The following ZNF778 variants were observed in gnomAD, a reference collection of about 807,000 sequenced individuals.
ZNF778 encodes the protein zinc finger protein 778.
ZNF778 carries 37 observed loss-of-function variants against 23.9 expected under a neutral mutation model. The observed-to-expected ratio is 1.54, with a 90% CI of 1.19 to 2.03. ZNF778 has a LOEUF of 2.03. Among genes scored for constraint, ZNF778 ranks in the 30% most tolerant of loss-of-function variants. The pLI, the probability that ZNF778 is intolerant of heterozygous loss-of-function variation, is 0.00. For missense variants in ZNF778, 1,297 were observed against 934.4 expected, an observed-to-expected ratio of 1.39 and a Z score of -5.06; for synonymous variants, 483 against 343.9, an observed-to-expected ratio of 1.40 and a Z score of -4.48.
intron 1 of ZNF778, among the ~76,000 whole-genome samples, chr16:89,220,622 C>T (rs1459830775): frequency 6.6e-6 from 1 of 152,206 alleles, no homozygotes; most frequent in East Asian, 1.9e-4. Context: ...TGCGCCACTA[C>T]ACTCCAGCCT....
chr16:89,232,577 A>G lies in ZNF778; in HGVS notation c.*4015A>G. 12 of 1,165,624 alleles carry G rather than the reference A, an allele frequency of 1.0e-5. 2 individuals carry two copies. In the South Asian group the frequency reaches 1.8e-4, roughly 17 times the overall value. The allele number at this position is 1,165,624 out of a possible 1,614,324, so 72.2% of individuals were successfully genotyped here. A position where few individuals can be genotyped will look rare whatever the true frequency, so the allele number is the denominator to read the frequency against. Reference sequence around the variant, plus strand: ...TATGCCCTCCTGTGTGAAAATCTCCACTCCCAATGTCTGAGGGTTCCTCAG... The same window carrying G: ...TATGCCCTCCTGTGTGAAAATCTCCGCTCCCAATGTCTGAGGGTTCCTCAG... On this transcript the variant is annotated 3_prime_UTR_variant, in exon 7 of 7. Transcript: ENST00000433976.
At chr16:89,223,700 T>A (rs1404916623) in intron 4 of ZNF778, among the ~76,000 whole-genome samples, 1 of 152,238 alleles carries the variant, frequency 6.6e-6, no homozygotes. Context: ...ACGTGTATAT[T>A]TAAGCCTGAA....
At chr16:89,222,284 A>T in intron 3 of ZNF778, 101 bp downstream of exon 3, 1 of 830,806 alleles carries the variant, frequency 1.2e-6, no homozygotes, top group Non-Finnish European at 1.8e-6. Context: ...TCACTCAAGG[A>T]CCGAGTCCCT....
At chr16:89,219,382 A>C (rs2030694802) in intron 1 of ZNF778, among the ~76,000 whole-genome samples, 2 of 152,168 alleles carry the variant, frequency 1.3e-5, no homozygotes, top group South Asian at 4.1e-4. Flanking sequence ...TTGAATTCAG[A>C]GGAGAGGTTG....
chr16:89,223,059 C>A, intron 3 of ZNF778, 98 bp from the exon 4 acceptor site: 1 of 1,416,908 alleles, frequency 7.1e-7, no homozygotes, highest in Non-Finnish European at 9.5e-7. Context: ...CAGTAGGAGG[C>A]CTCACAGTCC....
At chr16:89,221,277 G>C (rs537565209) in intron 2 of ZNF778, 125 bp downstream of exon 2, 2 of 1,144,966 alleles carry the variant, frequency 1.7e-6, no homozygotes, top group East Asian at 2.6e-5. Flanking sequence ...CTGCTGGAGT[G>C]AGCCAGAGAA....
chr16:89,223,873 CAA>C (rs58788873), intron 4 of ZNF778, among the ~76,000 whole-genome samples: 2,948 of 150,426 alleles, frequency 0.02, 119 homozygotes, highest in East Asian at 0.16. Context: ...GACTCCATCT[CAA>C]AAAAAAAACA....
At position 89,224,324 on chromosome 16, in the gene ZNF778, G is replaced by A. The variant is rs4785622; in HGVS notation, c.245-395G>A. The stretch of plus-strand genomic sequence containing the variant: ...GCGCAGTGGCTCACGCCTGTAATCC[G>A]AGCACTCTGGGACGCCAGACGCAGT... On this transcript the variant is annotated intron_variant, in intron 4 of 6. Transcript: ENST00000433976. Among the ~76,000 whole-genome samples the A allele has an allele frequency of 6.9e-3, 1,056 of 152,024 alleles. 17 individuals are homozygous for A. Among genetic ancestry groups the A allele is most frequent in the African/African-American group, 0.024 (1,012 of 41,434 alleles).
In ZNF778 at chr16:89,227,100, C is replaced by G. The variant is rs1222914506; in HGVS notation, c.812C>G (p.Pro271Arg). 6.2e-7 allele frequency: 1 copy of G among 1,614,016 alleles called. No homozygotes were observed. Among genetic ancestry groups the G allele is most frequent in the Non-Finnish European group, 8.5e-7 (1 of 1,179,908 alleles). Residue 271 changes from proline to arginine, a missense_variant, in exon 7 of 7, where the codon CCT becomes CGT. Transcript: ENST00000433976. ...ACTCACTCCATGGGCTGCGCCACAC[C>G]TGTTGAAATGCATGCCGTCAGGAAT... ...ALTHSMGCAT[P>R]VEMHAVRNPH...
chr16:89,229,026 T>G lies in ZNF778; in HGVS notation c.*464T>G. 3.0e-6 allele frequency: 3 copies of G among 991,996 alleles called. No homozygotes were observed. Among genetic ancestry groups the G allele is most frequent in the African/African-American group, 1.7e-5 (1 of 57,430 alleles). The allele number at this position is 991,996 out of a possible 1,614,324, so 61.4% of individuals were successfully genotyped here. A position where few individuals can be genotyped will look rare whatever the true frequency, so the allele number is the denominator to read the frequency against. ...TGTTCTAAAACCTTGTGGGCTAACT[T>G]GAGACATGTCTTTCTGGGGGTTCTG... On this transcript the variant is annotated 3_prime_UTR_variant, in exon 7 of 7. Coordinates refer to ENST00000433976, the MANE Select transcript of ZNF778 (RefSeq NM_001201407.2).
Position 89,225,625 on chromosome 16 carries a change from A to G in ZNF778, c.399A>G (p.Thr133=), listed in dbSNP as rs765082114. 54 of 1,612,242 alleles carry G rather than the reference A, an allele frequency of 3.3e-5. No individual in the cohort carries two copies. The highest frequency in any genetic ancestry group is 4.3e-5 in the Non-Finnish European group (51 of 1,178,840). Residue 133 remains threonine (T), a synonymous_variant, in exon 6 of 7, where the codon ACA becomes ACG. Coordinates refer to ENST00000433976, the MANE Select transcript of ZNF778 (RefSeq NM_001201407.2). ...DRSWFRASNE[T]QTARSHNGGQ... Reference sequence around the variant, plus strand: ...CTTGGTTCAGAGCATCAAATGAGACACAGACGGTAAGATTAACAAGAGAGA... The same window carrying G: ...CTTGGTTCAGAGCATCAAATGAGACGCAGACGGTAAGATTAACAAGAGAGA...
In ZNF778 at chr16:89,232,396, T is replaced by G; in HGVS notation, c.*3834T>G. ...GAGCCAAATAAGCCTCTTTCTAAGT[T>G]ACCCACAGCCTCAGATATGTAGCAA... On this transcript the variant is annotated 3_prime_UTR_variant, in exon 7 of 7. Transcript: ENST00000433976. 1 of 302,246 alleles carries G rather than the reference T, an allele frequency of 3.3e-6. No individual in the cohort carries two copies. The highest frequency in any genetic ancestry group is 6.4e-6 in the Non-Finnish European group (1 of 157,462). The allele number at this position is 302,246 out of a possible 1,614,324, so 18.7% of individuals were successfully genotyped here.
chr16:89,221,689 CTGTA>C (rs2030966134), intron 2 of ZNF778, among the ~76,000 whole-genome samples: 4 of 146,004 alleles, frequency 2.7e-5, no homozygotes, highest in African/African-American at 7.7e-5. Context: ...CAGTTTATGG[CTGTA>C]TGTGTGTGTT....
rs60605233 is a variant in ZNF778 at position 89,234,904 on chromosome 16, G to C, written c.*6342G>C. 6.6e-6 allele frequency: 1 copy of C among 152,190 alleles called. No homozygotes were observed. The highest frequency in any genetic ancestry group is 2.4e-5 in the African/African-American group (1 of 41,496). 9.4% of individuals were successfully genotyped at this position (152,190 alleles called of 1,614,324 possible). A position where few individuals can be genotyped will look rare whatever the true frequency, so the allele number is the denominator to read the frequency against. On this transcript the variant is annotated 3_prime_UTR_variant, in exon 7 of 7. Coordinates refer to ENST00000433976, the MANE Select transcript of ZNF778 (RefSeq NM_001201407.2). ...GCACTCCAGCCTGGCAACAGAGTGA[G>C]ACTCTGTCTCAAAAAAAAAGGAAAA...
Position 89,229,643 on chromosome 16 carries a change from G to T in ZNF778, c.*1081G>T, listed in dbSNP as rs1660462787. ...TCTGTGAGCAGCGTAGGCTCTGCTTGGTTAGTCTTGAGGATCCAGATGTGA... is the reference window on the plus strand; with the variant it reads ...TCTGTGAGCAGCGTAGGCTCTGCTTTGTTAGTCTTGAGGATCCAGATGTGA... On this transcript the variant is annotated 3_prime_UTR_variant, in exon 7 of 7. Transcript: ENST00000433976. 1 of 981,272 alleles carries T rather than the reference G, an allele frequency of 1.0e-6. No homozygotes were observed. The highest frequency in any genetic ancestry group is 1.2e-6 in the Non-Finnish European group (1 of 829,568). 60.8% of individuals were successfully genotyped at this position (981,272 alleles called of 1,614,324 possible).
At chr16:89,218,893 A>T (rs2030635929) in intron 1 of ZNF778, among the ~76,000 whole-genome samples, 1 of 152,186 alleles carries the variant, frequency 6.6e-6, no homozygotes, top group Non-Finnish European at 1.5e-5. Flanking sequence ...GGATCATCTG[A>T]GGTCGGGAGT....
rs752812975 is a variant in ZNF778 at position 89,233,568 on chromosome 16, G to C, written c.*5006G>C. 1.6e-6 allele frequency: 2 copies of C among 1,270,876 alleles called. No homozygotes were observed. The highest frequency in any genetic ancestry group is 3.3e-5 in the African/African-American group (2 of 60,832). The allele number at this position is 1,270,876 out of a possible 1,614,324, so 78.7% of individuals were successfully genotyped here. A position where few individuals can be genotyped will look rare whatever the true frequency, so the allele number is the denominator to read the frequency against. ...ATCAACTCACTGCATATGCAACTCA[G>C]CTCGCACTGCATATGCAACGCAACT... On this transcript the variant is annotated 3_prime_UTR_variant, in exon 7 of 7. Coordinates refer to ENST00000433976, the MANE Select transcript of ZNF778 (RefSeq NM_001201407.2).
In ZNF778 at chr16:89,221,843, A is replaced by C. The variant is rs926869648; in HGVS notation, c.26-249A>C. Among the ~76,000 whole-genome samples, 3 of 144,214 alleles carry C rather than the reference A, an allele frequency of 2.1e-5. No individual in the cohort carries two copies. In the East Asian group the frequency reaches 6.1e-4, roughly 29 times the overall value. The allele number at this position is 144,214 out of a possible 152,430, so 94.6% of individuals were successfully genotyped here. ...GGCTGTGTGTGTGTGTGTTTTCTTG[A>C]GGAAGTGTATGGCTGTGTGTGTGTG... On this transcript the variant is annotated intron_variant, in intron 2 of 6. Transcript: ENST00000433976.
rs1597370403 is a variant in ZNF778, at chr16:89,232,398, C to T, written c.*3836C>T. 1 of 304,058 alleles carries T rather than the reference C, an allele frequency of 3.3e-6. No individual in the cohort carries two copies. Among genetic ancestry groups the T allele is most frequent in the East Asian group, 9.2e-5 (1 of 10,852 alleles). The allele number at this position is 304,058 out of a possible 1,614,324, so 18.8% of individuals were successfully genotyped here. A position where few individuals can be genotyped will look rare whatever the true frequency, so the allele number is the denominator to read the frequency against. On this transcript the variant is annotated 3_prime_UTR_variant, in exon 7 of 7. Coordinates refer to ENST00000433976, the MANE Select transcript of ZNF778 (RefSeq NM_001201407.2). ...GCCAAATAAGCCTCTTTCTAAGTTA[C>T]CCACAGCCTCAGATATGTAGCAACA...
Sources: allele counts gnomAD v4.1 joint callset (sites outside exome capture counted in the v4.1 genomes callset), GRCh38; gene constraint gnomAD v4.1.1; transcripts MANE v1.5; gene names NCBI Gene and HGNC (gene_info 2026-07-23, HGNC 2026-07-21).